The following LRP4 variants were observed in gnomAD, a reference collection of about 807,000 sequenced individuals.
LRP4 encodes LDL receptor related protein 4.
In LRP4, 95 loss-of-function variants were observed where a neutral mutation model predicts 220.3. The observed-to-expected ratio is 0.43, with a 90% CI of 0.37 to 0.51. The LOEUF (loss-of-function observed/expected upper bound fraction) is 0.51. Ranked by LOEUF, LRP4 falls within the 20% of genes least tolerant of loss-of-function variation. LRP4 has a pLI of 0.00. For synonymous variants in LRP4, 903 were observed against 954.6 expected (o/e 0.95, Z 1.00); for missense variants, 1,925 against 2,567.0 (o/e 0.75, Z 5.40).
intron 13 of LRP4, among the ~76,000 whole-genome samples, chr11:46,891,464 C>CACACACAG (rs1308481884): frequency 1.3e-4 from 19 of 146,978 alleles, no homozygotes; most frequent in African/African-American, 4.7e-4. Flanking sequence ...CACACACACA[C>CACACACAG]AGACACACAC....
At chr11:46,871,426 C>T (rs754717202) in intron 31 of LRP4, 99 bp downstream of exon 31, 12 of 875,566 alleles carry the variant, frequency 1.4e-5, no homozygotes, top group Admixed American at 2.0e-5. Flanking sequence ...TGCAATAGCA[C>T]GTCTGTTCAG....
chr11:46,903,740 T>A (rs1216857622), intron 1 of LRP4, among the ~76,000 whole-genome samples: 3 of 152,190 alleles, frequency 2.0e-5, no homozygotes, highest in Non-Finnish European at 4.4e-5. Flanking sequence ...GGATAAGGAA[T>A]CCACACAGGG....
chr11:46,871,757 C>T, intron 30 of LRP4, 124 bp from the exon 31 acceptor site: 1 of 725,220 alleles, frequency 1.4e-6, no homozygotes, highest in Admixed American at 2.0e-5. Flanking sequence ...TCAAGAAGCA[C>T]CCTCGATGAG....
chr11:46,886,007 A>T lies in LRP4; in HGVS notation c.2506+84T>A, dbSNP rs528038809. The T allele has an allele frequency of 1.2e-5, 14 of 1,142,154 alleles. No individual in the cohort carries two copies. The African/African-American group carries it at 2.1e-4, about 17-fold the overall frequency. The allele number at this position is 1,142,154 out of a possible 1,614,324, so 70.8% of individuals were successfully genotyped here. On this transcript the variant is annotated intron_variant, in intron 18 of 37. Transcript: ENST00000378623. ...AAGACAGAAGTGGTCCAGGAGAGAC[A>T]CTGGGCTCCTTCTATCTGAGGCCAG...
At chr11:46,903,452 C>G (rs114635339) in intron 1 of LRP4, among the ~76,000 whole-genome samples, 3,041 of 152,116 alleles carry the variant, frequency 0.02, 98 homozygotes, top group African/African-American at 0.07. Flanking sequence ...TATGATCACA[C>G]CACTGCACTC....
In LRP4 at chr11:46,877,277, G is replaced by T. The variant is rs376844404; in HGVS notation, c.3199C>A (p.Pro1067Thr). ...IDIRMVSLDI[P>T]YFADVVVPIN... ...GGTACCACCACATCAGCAAAATAAG[G>T]GATGTCCAGGGAGACCATGCGAATG... The change falls in exon 23 of 38, where the codon CCT becomes ACT. Residue 1067 changes from proline to threonine, a missense_variant. By Grantham distance (38) the Pro-to-Thr change is conservative (BLOSUM62 -1). Coordinates refer to ENST00000378623, the MANE Select transcript of LRP4 (RefSeq NM_002334.4). The T allele has an allele frequency of 1.2e-6, 2 of 1,613,974 alleles. No individual in the cohort carries two copies. The highest frequency in any genetic ancestry group is 1.7e-5 in the Admixed American group (1 of 60,000).
At position 46,904,510 on chromosome 11, in the gene LRP4, CGGAT is replaced by C. The variant is rs59808861; in HGVS notation, c.53-1585_53-1582del. Among the ~76,000 whole-genome samples, 767 of 116,094 alleles carry C rather than the reference CGGAT, an allele frequency of 6.6e-3. 11 individuals carry two copies. Among genetic ancestry groups the C allele is most frequent in the African/African-American group, 0.019 (733 of 39,384 alleles). 76.2% of individuals were successfully genotyped at this position (116,094 alleles called of 152,430 possible). A position where few individuals can be genotyped will look rare whatever the true frequency, so the allele number is the denominator to read the frequency against. The stretch of plus-strand genomic sequence containing the variant: ...ATGGATGGATGGATGGACGGACAGA[CGGAT>C]GGATGGATGGATGGATGGATGGCTT... On this transcript the variant is annotated intron_variant, in intron 1 of 37. Coordinates refer to ENST00000378623, the MANE Select transcript of LRP4 (RefSeq NM_002334.4).
rs1283472991 is a variant in LRP4 at position 46,874,843 on chromosome 11, C to T, written c.4186G>A (p.Asp1396Asn). 4.3e-6 allele frequency: 7 copies of T among 1,614,112 alleles called. No homozygotes were observed. The highest frequency in any genetic ancestry group is 2.2e-5 in the East Asian group (1 of 44,886). Residue 1396 changes from aspartate to asparagine, a missense_variant, in exon 28 of 38, where the codon GAT (aspartate) becomes AAT (asparagine). This residue lies in a region of LRP4 where 1,244 missense variants were observed against 1,624.9 expected (regional missense o/e 0.77). Transcript: ENST00000378623. ...ACATCTGTGTAATAGACCTTTCCAT[C>T]CACGCTGTCATAGTCCAGGGAGATG... ...NVISLDYDSV[D>N]GKVYYTDVFL...
intron 33 of LRP4, 80 bp downstream of exon 33, chr11:46,868,520 C>G: frequency 1.0e-6 from 1 of 992,094 alleles, no homozygotes; most frequent in Non-Finnish European, 1.6e-6. Flanking sequence ...AAGGACAGAT[C>G]AGACCAGTAT....
intron 32 of LRP4, 113 bp from the exon 33 acceptor site, chr11:46,868,826 G>T: frequency 1.6e-6 from 2 of 1,232,068 alleles, no homozygotes; most frequent in South Asian, 1.2e-5. Context: ...GACAGGGGAG[G>T]AGGAGAGATA....
chr11:46,890,280 G>C lies in LRP4; in HGVS notation c.1912C>G (p.Gln638Glu). ...DGSHRKAVIS[Q>E]GLPHPFAITV... ...GAGACTGAAGGAAGGGGCTCACCCT[G>C]GCTAATGACAGCCTTACGGTGACTC... Residue 638 changes from glutamine (Q) to glutamate (E), a missense_variant, in exon 14 of 38, where the codon CAG becomes GAG. Physicochemically the swap from Gln to Glu is conservative, Grantham distance 29. This residue lies in a region of LRP4 where 269 missense variants were observed against 436.7 expected (regional missense o/e 0.62). Coordinates refer to ENST00000378623, the MANE Select transcript of LRP4 (RefSeq NM_002334.4). The surrounding 1 kb of genome is among the most constrained non-coding windows in gnomAD (Gnocchi z 5.3). 6.2e-7 allele frequency: 1 copy of C among 1,614,036 alleles called. No individual in the cohort carries two copies. The highest frequency in any genetic ancestry group is 8.5e-7 in the Non-Finnish European group (1 of 1,179,898).
intron 18 of LRP4, among the ~76,000 whole-genome samples, chr11:46,885,166 T>C (rs538839822): frequency 9.2e-5 from 14 of 151,846 alleles, no homozygotes; most frequent in African/African-American, 2.7e-4. Context: ...AAAAAAAAAA[T>C]TGGGGATGTG....
rs2134777699 is a variant in LRP4 at position 46,868,998 on chromosome 11, C to T, written c.4827G>A (p.Gln1609=). The part of the protein sequence containing the change: ...GLMDIIVVSP[Q]RQTGTNACGV... ...TACCCGGGAGCCCACCTGTCTGCCGCTGAGGGGAAACCACGATGATATCCA... is the reference window on the plus strand; with the variant it reads ...TACCCGGGAGCCCACCTGTCTGCCGTTGAGGGGAAACCACGATGATATCCA... The change falls in exon 32 of 38, where the codon CAG becomes CAA. Residue 1609 remains glutamine, a synonymous_variant. Transcript: ENST00000378623. 6.2e-7 allele frequency: 1 copy of T among 1,614,178 alleles called. No homozygotes were observed. Among genetic ancestry groups the T allele is most frequent in the African/African-American group, 1.3e-5 (1 of 75,042 alleles).
At chr11:46,905,286 C>A (rs1213746761) in intron 1 of LRP4, among the ~76,000 whole-genome samples, 1 of 152,170 alleles carries the variant, frequency 6.6e-6, no homozygotes, top group African/African-American at 2.4e-5. Flanking sequence ...ACAGGCTCAG[C>A]ACAGCTGTAG....
intron 37 of LRP4, among the ~76,000 whole-genome samples, chr11:46,861,210 T>A (rs1482799852): frequency 2.6e-5 from 4 of 152,048 alleles, no homozygotes; most frequent in South Asian, 2.1e-4. Flanking sequence ...TTTTAAAAAA[T>A]TTTTAATTTC....
chr11:46,870,739 G>A (rs941502247), intron 31 of LRP4, among the ~76,000 whole-genome samples: 1 of 152,168 alleles, frequency 6.6e-6, no homozygotes, highest in Non-Finnish European at 1.5e-5. Flanking sequence ...TTAAATGATC[G>A]AGAATTCCTG....
intron 1 of LRP4, among the ~76,000 whole-genome samples, chr11:46,914,150 G>C (rs1941912552): frequency 6.6e-6 from 1 of 151,848 alleles, no homozygotes; most frequent in African/African-American, 2.4e-5. Flanking sequence ...TATTATCTCA[G>C]GTAAATTTTA....
chr11:46,886,756 T>G (rs529438912), intron 16 of LRP4, among the ~76,000 whole-genome samples: 25 of 152,286 alleles, frequency 1.6e-4, no homozygotes, highest in African/African-American at 5.8e-4. Flanking sequence ...GTCCCAGAAG[T>G]GCATGCTGTT....
At chr11:46,900,690 C>T (rs180994714) in intron 2 of LRP4, among the ~76,000 whole-genome samples, 6 of 151,760 alleles carry the variant, frequency 4.0e-5, no homozygotes, top group Admixed American at 6.6e-5. Flanking sequence ...AGGGTTTTGT[C>T]GTGTTGGCCA....
Sources: gnomAD v4.1 joint callset for allele counts (sites outside exome capture counted in the v4.1 genomes callset) on GRCh38, gnomAD v4.1.1 for gene constraint, gnomAD v4.1.1 regional missense constraint, Gnocchi (gnomAD v3.1) non-coding constraint, MANE v1.5 for transcripts, NCBI Gene and HGNC (gene_info 2026-07-23, HGNC 2026-07-21) for gene names.